LINGO2: variants seen among roughly 807,000 people sequenced by gnomAD.
LINGO2 encodes the protein leucine-rich repeat and immunoglobulin-like domain-containing nogo receptor-interacting protein 2.
A neutral mutation model predicts 30.6 loss-of-function variants in LINGO2; 14 were observed. The ratio of observed to expected loss-of-function variants is 0.46; its 90% CI spans 0.30 to 0.72. LINGO2 has a LOEUF of 0.72. LINGO2 is among the 30% of genes least tolerant of loss of function. LINGO2 has a pLI of 0.07. For missense variants in LINGO2, 729 were observed against 751.7 expected, an observed-to-expected ratio of 0.97 and a Z score of 0.35; for synonymous variants, 317 against 288.5, an observed-to-expected ratio of 1.10 and a Z score of -1.00.
chr9:27,999,470 G>GAGAGAGAGAGAGAGAGAGAT (rs1213654296), intron 5 of LINGO2, among the ~76,000 whole-genome samples: 1 of 149,998 alleles, frequency 6.7e-6, no homozygotes, highest in African/African-American at 2.5e-5. Context: ...GAGAGAGAGA[G>GAGAGAGAGAGAGAGAGAGAT]AGTCTGTGTG....
the LINGO2 span, among the ~76,000 whole-genome samples, chr9:28,750,495 C>A: frequency 2.0e-5 from 3 of 152,094 alleles, no homozygotes; most frequent in Non-Finnish European, 4.4e-5. Flanking sequence ...CTGAAGAAGG[C>A]TCTGGGCCCT....
chr9:28,219,669 C>T (rs1406642827), intron 4 of LINGO2, among the ~76,000 whole-genome samples: 4 of 152,124 alleles, frequency 2.6e-5, no homozygotes, highest in Non-Finnish European at 4.4e-5. Flanking sequence ...GCTTTTCTAG[C>T]TGTGAATTCG....
At chr9:28,430,097 C>CGT (rs1554720068) in intron 2 of LINGO2, among the ~76,000 whole-genome samples, 2 of 47,154 alleles carry the variant, frequency 4.2e-5, no homozygotes, top group African/African-American at 1.5e-4. Flanking sequence ...CTGATTTCCA[C>CGT]GCGCGCGCGC....
At chr9:29,133,029 T>G in the LINGO2 span, among the ~76,000 whole-genome samples, 1 of 152,100 alleles carries the variant, frequency 6.6e-6, no homozygotes, top group South Asian at 2.1e-4. Context: ...TGTAAGTATT[T>G]ATTATTTAAC....
At chr9:28,076,328 T>C (rs551863519) in intron 4 of LINGO2, among the ~76,000 whole-genome samples, 5 of 152,188 alleles carry the variant, frequency 3.3e-5, no homozygotes, top group South Asian at 2.1e-4. Context: ...ATTGATACCA[T>C]TGAAGCATGA....
intron 5 of LINGO2, among the ~76,000 whole-genome samples, chr9:27,990,671 G>A (rs1015544624): frequency 6.6e-6 from 1 of 151,938 alleles, no homozygotes; most frequent in Admixed American, 6.6e-5. Context: ...GGAGGTTATC[G>A]CATTCAGTGG....
chr9:28,423,359 A>C (rs1442052546), intron 2 of LINGO2, among the ~76,000 whole-genome samples: 1 of 152,096 alleles, frequency 6.6e-6, no homozygotes, highest in Admixed American at 6.6e-5. Context: ...AAAAAAAATT[A>C]AACAGTAAAC....
chr9:29,193,313 T>G, the LINGO2 span, among the ~76,000 whole-genome samples: 1 of 152,120 alleles, frequency 6.6e-6, no homozygotes, highest in South Asian at 2.1e-4. Context: ...ACTTTCTGCT[T>G]ACCATTCGGC....
At chr9:27,996,890 CAATA>C (rs533544838) in intron 5 of LINGO2, among the ~76,000 whole-genome samples, 75 of 152,090 alleles carry the variant, frequency 4.9e-4, no homozygotes, top group African/African-American at 1.7e-3. Flanking sequence ...TAGTATGTAT[CAATA>C]AAGAATAAAA....
At chr9:28,652,435 A>C (rs1828144907) in intron 1 of LINGO2, among the ~76,000 whole-genome samples, 1 of 152,116 alleles carries the variant, frequency 6.6e-6, no homozygotes, top group Non-Finnish European at 1.5e-5. Flanking sequence ...CAACAACTCC[A>C]ACTTAAGGCT....
chr9:28,432,585 TA>T (rs938505193), intron 2 of LINGO2, among the ~76,000 whole-genome samples: 15 of 152,178 alleles, frequency 9.9e-5, no homozygotes, highest in African/African-American at 3.6e-4. Context: ...GTATTAAAAA[TA>T]AATCTATTCA....
At chr9:28,859,275 G>A in the LINGO2 span, among the ~76,000 whole-genome samples, 1 of 151,966 alleles carries the variant, frequency 6.6e-6, no homozygotes, top group African/African-American at 2.4e-5. Context: ...AAAAGTACAG[G>A]ATCTCAAGAA....
chr9:29,161,585 T>C, the LINGO2 span, among the ~76,000 whole-genome samples: 2 of 152,196 alleles, frequency 1.3e-5, no homozygotes, highest in Admixed American at 6.5e-5. Context: ...CCTTGATAGT[T>C]TGCTGGGCTG....
chr9:28,476,381 T>C (rs1181245359), intron 1 of LINGO2, among the ~76,000 whole-genome samples: 1 of 152,140 alleles, frequency 6.6e-6, no homozygotes, highest in Non-Finnish European at 1.5e-5. Flanking sequence ...GTTCACGCCA[T>C]TCTCCTGCCT....
chr9:28,057,246 G>T (rs1018436572), intron 4 of LINGO2, among the ~76,000 whole-genome samples: 1 of 151,316 alleles, frequency 6.6e-6, no homozygotes, highest in African/African-American at 2.4e-5. Flanking sequence ...CACATTTAAC[G>T]CATTTGGCAA....
the LINGO2 span, among the ~76,000 whole-genome samples, chr9:29,154,775 C>G: frequency 6.6e-6 from 1 of 152,152 alleles, no homozygotes; most frequent in Non-Finnish European, 1.5e-5. Context: ...ACTATAATAT[C>G]ACTAGTAGAA....
the LINGO2 span, among the ~76,000 whole-genome samples, chr9:28,869,770 T>C: frequency 2.0e-5 from 3 of 151,762 alleles, no homozygotes; most frequent in Non-Finnish European, 4.4e-5. Flanking sequence ...GACAACAATG[T>C]CTCCTTCAAC....
intron 4 of LINGO2, among the ~76,000 whole-genome samples, chr9:28,067,590 C>T (rs1426008403): frequency 6.6e-6 from 1 of 152,040 alleles, no homozygotes; most frequent in African/African-American, 2.4e-5. Context: ...CCCTGTAAAA[C>T]ATGGCACACA....
intron 1 of LINGO2, among the ~76,000 whole-genome samples, chr9:28,600,556 G>C (rs1477983435): frequency 1.3e-5 from 2 of 152,126 alleles, no homozygotes; most frequent in Non-Finnish European, 2.9e-5. Flanking sequence ...GAATCTGTCT[G>C]TGAAGGCCAG....
Sources: allele counts gnomAD v4.1 joint callset (sites outside exome capture counted in the v4.1 genomes callset), GRCh38; gene constraint gnomAD v4.1.1; transcripts MANE v1.5; gene names NCBI Gene and HGNC (gene_info 2026-07-23, HGNC 2026-07-21).